Variants in SAMD12 observed in about 807,000 individuals in gnomAD.
SAMD12 encodes sterile alpha motif domain-containing protein 12.
Under a neutral mutation model 15.0 loss-of-function variants are expected in SAMD12, and 9 were observed. The ratio of observed to expected loss-of-function variants is 0.60; its 90% CI spans 0.36 to 1.05. The LOEUF (loss-of-function observed/expected upper bound fraction) is 1.05. SAMD12 is among the 50% of genes least tolerant of loss of function. SAMD12 has a pLI of 0.01. For missense variants in SAMD12, 230 were observed against 234.2 expected (o/e 0.98, Z 0.12); for synonymous variants, 86 against 90.1 (o/e 0.96, Z 0.25).
chr8:118,309,406 GTA>G lies in SAMD12; in HGVS notation c.433+70152_433+70153del, dbSNP rs1491233050. Among the ~76,000 whole-genome samples, 911 of 147,734 alleles carry G rather than the reference GTA, an allele frequency of 6.2e-3. 7 individuals carry two copies. The highest frequency in any genetic ancestry group is 0.018 in the African/African-American group (702 of 38,276). On this transcript the variant is annotated intron_variant, in intron 4 of 4. Transcript: ENST00000409003. Reference sequence around the variant, plus strand: ...TGTGTGTGTGTGTGTGTGTGTGTGTGTATGTGTATTATCACATTTTATTTATC... The same window carrying G: ...TGTGTGTGTGTGTGTGTGTGTGTGTGTGTGTATTATCACATTTTATTTATC...
chr8:118,134,945 A>G, the SAMD12 span, among the ~76,000 whole-genome samples: 1 of 152,170 alleles, frequency 6.6e-6, no homozygotes, highest in African/African-American at 2.4e-5. Flanking sequence ...ACTTGTTAAA[A>G]GGCAGATTCT....
intron 2 of SAMD12, among the ~76,000 whole-genome samples, chr8:118,562,112 C>T (rs1826717831): frequency 1.3e-5 from 2 of 152,178 alleles, no homozygotes; most frequent in Non-Finnish European, 2.9e-5. Flanking sequence ...TAATACCATA[C>T]ACACTGGATT....
At chr8:118,282,403 T>C (rs1586420284) in intron 4 of SAMD12, 1 of 454,974 alleles carries the variant, frequency 2.2e-6, no homozygotes, top group Non-Finnish European at 4.4e-6. Context: ...CTCCAGCACC[T>C]GCCTATTCCT....
At chr8:118,401,824 C>G (rs1820883719) in intron 3 of SAMD12, among the ~76,000 whole-genome samples, 1 of 152,120 alleles carries the variant, frequency 6.6e-6, no homozygotes, top group African/African-American at 2.4e-5. Context: ...GGAGATTGCT[C>G]AAATATCTAC....
At chr8:118,441,502 T>C (rs527819489) in intron 2 of SAMD12, among the ~76,000 whole-genome samples, 10 of 152,188 alleles carry the variant, frequency 6.6e-5, no homozygotes, top group Admixed American at 5.9e-4. Flanking sequence ...CCTTGGGCCA[T>C]TGCTTTCAAA....
intron 4 of SAMD12, among the ~76,000 whole-genome samples, chr8:118,327,441 T>C (rs931401371): frequency 2.0e-5 from 3 of 152,190 alleles, no homozygotes; most frequent in African/African-American, 7.2e-5. Context: ...ATGCCATAGA[T>C]ACCCTATAAA....
At chr8:118,375,015 T>C (rs1819309736), downstream of SAMD12, among the ~76,000 whole-genome samples, 1 of 152,140 alleles carries the variant, frequency 6.6e-6, no homozygotes, top group African/African-American at 2.4e-5. Flanking sequence ...CCTAATTCAT[T>C]TAAGTATTGT....
chr8:118,157,361 G>T, the SAMD12 span, among the ~76,000 whole-genome samples: 5 of 152,052 alleles, frequency 3.3e-5, no homozygotes, highest in Non-Finnish European at 7.4e-5. Context: ...AACCCACCAT[G>T]AATATATAAA....
chr8:118,209,931 C>T (rs1819971976), intron 4 of SAMD12, among the ~76,000 whole-genome samples: 1 of 152,198 alleles, frequency 6.6e-6, no homozygotes, highest in South Asian at 2.1e-4. Flanking sequence ...TCAGCCCAAC[C>T]TCCTGGGATC....
At chr8:118,253,876 A>G (rs1392468738) in intron 4 of SAMD12, among the ~76,000 whole-genome samples, 1 of 152,186 alleles carries the variant, frequency 6.6e-6, no homozygotes, top group Non-Finnish European at 1.5e-5. Flanking sequence ...AGCACCAAGA[A>G]GAAAATGCCC....
chr8:118,336,266 T>C (rs552718700), intron 4 of SAMD12, among the ~76,000 whole-genome samples: 2 of 152,342 alleles, frequency 1.3e-5, no homozygotes, highest in South Asian at 4.1e-4. Context: ...CGGCTAAATA[T>C]GATCATTTTC....
intron 4 of SAMD12, among the ~76,000 whole-genome samples, chr8:118,361,376 A>G (rs945083476): frequency 2.0e-5 from 3 of 152,200 alleles, no homozygotes; most frequent in African/African-American, 7.2e-5. Flanking sequence ...ACCTCATCGG[A>G]CACATAGTAG....
intron 4 of SAMD12, among the ~76,000 whole-genome samples, chr8:118,254,621 T>C (rs1236693083): frequency 6.6e-6 from 1 of 152,054 alleles, no homozygotes; most frequent in Admixed American, 6.6e-5. Context: ...TTTCTTCCCA[T>C]GACAAATGAG....
intron 3 of SAMD12, among the ~76,000 whole-genome samples, chr8:118,421,473 T>C (rs1237299222): frequency 6.6e-6 from 1 of 152,228 alleles, no homozygotes; most frequent in East Asian, 1.9e-4. Context: ...GTCACCAAGG[T>C]AGTTTTAGGG....
At chr8:118,234,575 G>A (rs1182618627) in intron 4 of SAMD12, among the ~76,000 whole-genome samples, 2 of 151,954 alleles carry the variant, frequency 1.3e-5, no homozygotes, top group Non-Finnish European at 2.9e-5. Context: ...GCCAGGCATG[G>A]TGGCAGGTGG....
At chr8:118,451,607 G>A (rs1823085767) in intron 2 of SAMD12, among the ~76,000 whole-genome samples, 1 of 152,156 alleles carries the variant, frequency 6.6e-6, no homozygotes, top group Admixed American at 6.5e-5. Flanking sequence ...GAAAAGAGAG[G>A]GCTGATGGGC....
intron 2 of SAMD12, among the ~76,000 whole-genome samples, chr8:118,462,271 C>G (rs1823444426): frequency 6.6e-6 from 1 of 152,190 alleles, no homozygotes; most frequent in South Asian, 2.1e-4. Context: ...TCTTTTCCTG[C>G]ACAAAGTAAA....
At chr8:118,292,774 C>A (rs796388962) in intron 4 of SAMD12, among the ~76,000 whole-genome samples, 37 of 151,810 alleles carry the variant, frequency 2.4e-4, no homozygotes, top group African/African-American at 8.5e-4. Context: ...AATTGGAAAT[C>A]ATCATTCTCA....
intron 2 of SAMD12, among the ~76,000 whole-genome samples, chr8:118,495,057 C>A (rs1824567400): frequency 6.6e-6 from 1 of 152,072 alleles, no homozygotes; most frequent in African/African-American, 2.4e-5. Context: ...GAAAAAGTGC[C>A]CATAAAGTGC....
Sources: gnomAD v4.1 joint callset for allele counts (sites outside exome capture counted in the v4.1 genomes callset) on GRCh38, gnomAD v4.1.1 for gene constraint, MANE v1.5 for transcripts, NCBI Gene and HGNC (gene_info 2026-07-23, HGNC 2026-07-21) for gene names.